Variants in PCGF3 observed in about 807,000 individuals in gnomAD.
The protein encoded by PCGF3 is polycomb group ring finger 3.
PCGF3 carries 7 observed loss-of-function variants against 33.1 expected under a neutral mutation model. The ratio of observed to expected loss-of-function variants is 0.21; its 90% CI spans 0.12 to 0.40. The LOEUF (loss-of-function observed/expected upper bound fraction) is 0.40, where lower values mean the gene tolerates loss of function less well. PCGF3 is among the 10% of genes least tolerant of loss of function. The pLI, the probability that PCGF3 is intolerant of heterozygous loss-of-function variation, is 1.00. For missense variants in PCGF3, 211 were observed against 313.3 expected, an observed-to-expected ratio of 0.67 and a Z score of 2.46; for synonymous variants, 153 against 121.3, an observed-to-expected ratio of 1.26 and a Z score of -1.72.
At chr4:754,030 G>A (rs1030515621) in intron 8 of PCGF3, among the ~76,000 whole-genome samples, 1 of 152,196 alleles carries the variant, frequency 6.6e-6, no homozygotes, top group Non-Finnish European at 1.5e-5. Flanking sequence ...TCCGTCTTTG[G>A]TGGTCCTGGC....
At chr4:741,515 T>G (rs1191141867) in intron 6 of PCGF3, among the ~76,000 whole-genome samples, 1 of 152,196 alleles carries the variant, frequency 6.6e-6, no homozygotes, top group Non-Finnish European at 1.5e-5. Context: ...CACACAGTTG[T>G]CCTGTCTCAG....
chr4:708,990 G>A (rs559929208), intron 1 of PCGF3, among the ~76,000 whole-genome samples: 1 of 152,230 alleles, frequency 6.6e-6, no homozygotes, highest in African/African-American at 2.4e-5. Context: ...TCAAAAACTT[G>A]TGGGTGTTTT....
intron 1 of PCGF3, among the ~76,000 whole-genome samples, chr4:718,186 C>T (rs1161685634): frequency 6.6e-6 from 1 of 152,108 alleles, no homozygotes; most frequent in Non-Finnish European, 1.5e-5. Context: ...AGCCGTCAGA[C>T]GTCTGGATGG....
chr4:743,006 G>C (rs1317076082), intron 6 of PCGF3, among the ~76,000 whole-genome samples: 1 of 152,210 alleles, frequency 6.6e-6, no homozygotes, highest in East Asian at 1.9e-4. Flanking sequence ...GCAGGAGCGT[G>C]GGGGGAACCC....
chr4:711,961 T>A (rs1171123984), intron 1 of PCGF3, among the ~76,000 whole-genome samples: 3 of 6,660 alleles, frequency 4.5e-4, no homozygotes, highest in African/African-American at 1.1e-3. Flanking sequence ...GAAAAAAAAA[T>A]AAAAAGTAAA....
At chr4:744,456 T>A in intron 7 of PCGF3, 144 bp from the exon 8 acceptor site, 1 of 654,696 alleles carries the variant, frequency 1.5e-6, no homozygotes, top group Non-Finnish European at 2.7e-6. Flanking sequence ...TGCGGACGGC[T>A]TTCCTTTGAC....
chr4:734,402 G>A, intron 4 of PCGF3: 2 of 1,387,210 alleles, frequency 1.4e-6, no homozygotes, highest in East Asian at 2.6e-5. Flanking sequence ...TCTTTAAAAT[G>A]AAGTGTACGC....
intron 8 of PCGF3, among the ~76,000 whole-genome samples, chr4:760,573 CT>C (rs1466203025): frequency 1.3e-5 from 2 of 152,224 alleles, no homozygotes; most frequent in Admixed American, 6.5e-5. Context: ...AGTTAACCCC[CT>C]GTCCATTCTT....
chr4:758,752 C>T (rs11736273), intron 8 of PCGF3, among the ~76,000 whole-genome samples: 6 of 22,338 alleles, frequency 2.7e-4, no homozygotes, highest in East Asian at 1.4e-3. Flanking sequence ...CTCTCCCGAG[C>T]TCTTCTTGCT....
At chr4:715,927 C>G (rs1302037425) in intron 1 of PCGF3, among the ~76,000 whole-genome samples, 2 of 129,064 alleles carry the variant, frequency 1.5e-5, no homozygotes, top group African/African-American at 5.6e-5. Context: ...TGCTGGGACC[C>G]TGTAGACACT....
At chr4:712,940 C>T (rs572263139) in intron 1 of PCGF3, among the ~76,000 whole-genome samples, 2 of 152,364 alleles carry the variant, frequency 1.3e-5, no homozygotes, top group African/African-American at 4.8e-5. Context: ...ATCAGTGGGT[C>T]CCGTTGGCCT....
intron 8 of PCGF3, among the ~76,000 whole-genome samples, chr4:753,225 C>G (rs950182731): frequency 6.6e-6 from 1 of 152,220 alleles, no homozygotes; most frequent in Non-Finnish European, 1.5e-5. Context: ...ACTTTCTTGC[C>G]TAGGCTGGAG....
intron 8 of PCGF3, among the ~76,000 whole-genome samples, chr4:753,820 T>C (rs908372768): frequency 8.6e-5 from 13 of 151,882 alleles, no homozygotes; most frequent in Admixed American, 6.6e-4. Context: ...TGGTGGTGGG[T>C]GCCTGTAATC....
intron 1 of PCGF3, among the ~76,000 whole-genome samples, chr4:707,963 G>A (rs56387885): frequency 1.9e-5 from 2 of 102,728 alleles, no homozygotes; most frequent in Non-Finnish European, 4.4e-5. Context: ...CGGGACCCTG[G>A]GACAGCCCTG....
intron 1 of PCGF3, among the ~76,000 whole-genome samples, chr4:729,427 A>G (rs1490296030): frequency 6.6e-6 from 1 of 151,682 alleles, no homozygotes; most frequent in Non-Finnish European, 1.5e-5. Flanking sequence ...AAAAAAAAAA[A>G]GAAATAATAA....
chr4:739,688 A>AT (rs1577420042), intron 6 of PCGF3, among the ~76,000 whole-genome samples: 1 of 152,326 alleles, frequency 6.6e-6, no homozygotes, highest in East Asian at 1.9e-4. Flanking sequence ...GCCGGGTGGC[A>AT]CTGAGATCTG....
intron 8 of PCGF3, among the ~76,000 whole-genome samples, chr4:750,876 T>C (rs1269122789): frequency 6.6e-6 from 1 of 152,050 alleles, no homozygotes; most frequent in Non-Finnish European, 1.5e-5. Context: ...GTGTTTTCGC[T>C]CTAACCCCCG....
chr4:762,069 G>A, intron 9 of PCGF3: 3 of 985,408 alleles, frequency 3.0e-6, no homozygotes, highest in South Asian at 4.7e-5. Context: ...GGGTGGAGAA[G>A]TGGACAGACT....
At chr4:748,789 T>G (rs1264218906) in intron 8 of PCGF3, among the ~76,000 whole-genome samples, 1 of 152,174 alleles carries the variant, frequency 6.6e-6, no homozygotes, top group African/African-American at 2.4e-5. Context: ...GTCTCTGGTG[T>G]TGGTCTCGTC....
Sources: allele counts gnomAD v4.1 joint callset (sites outside exome capture counted in the v4.1 genomes callset), GRCh38; gene constraint gnomAD v4.1.1; transcripts MANE v1.5; gene names NCBI Gene and HGNC (gene_info 2026-07-23, HGNC 2026-07-21).